Variants in ZNF668 observed in about 807,000 individuals in gnomAD.
ZNF668 encodes the protein zinc finger protein 668.
In ZNF668, 10 loss-of-function variants were observed where a neutral mutation model predicts 40.3. That is an observed-to-expected ratio of 0.25 (90% CI 0.15 to 0.42). ZNF668 has a LOEUF of 0.42. ZNF668 is among the 10% of genes least tolerant of loss of function. The pLI is 1.00. For synonymous variants in ZNF668, 428 were observed against 384.6 expected (o/e 1.11, Z -1.32); for missense variants, 749 against 904.6 (o/e 0.83, Z 2.21).
intron 1 of ZNF668, chr16:31,069,268 T>TACATACAC (rs1555498643): frequency 7.1e-6 from 1 of 141,690 alleles, no homozygotes; most frequent in East Asian, 2.1e-4. Context: ...CTACTAAAAA[T>TACATACAC]ACACACACAC....
intron 1 of ZNF668, among the ~76,000 whole-genome samples, chr16:31,070,799 C>T (rs979801233): frequency 2.0e-5 from 3 of 152,102 alleles, no homozygotes; most frequent in African/African-American, 7.2e-5. Flanking sequence ...CCTCGGCTTC[C>T]CAGAGTGCTG....
chr16:31,064,631 T>G, intron 1 of ZNF668, 150 bp from the exon 2 acceptor site: 1 of 1,536,804 alleles, frequency 6.5e-7, no homozygotes, highest in Non-Finnish European at 8.7e-7. Flanking sequence ...TGCGTTCGTT[T>G]CCTCCCTGAT....
At chr16:31,066,723 A>C (rs1008650328) in intron 1 of ZNF668, among the ~76,000 whole-genome samples, 2 of 151,550 alleles carry the variant, frequency 1.3e-5, no homozygotes, top group African/African-American at 4.8e-5. Flanking sequence ...ATCAATCAAT[A>C]ATCAATCCTG....
At position 31,064,233 on chromosome 16, in the gene ZNF668, C is replaced by T. The variant is rs1596753524; in HGVS notation, c.227G>A (p.Gly76Asp). The T allele has an allele frequency of 1.2e-6, 2 of 1,613,312 alleles. No individual in the cohort carries two copies. Among genetic ancestry groups the T allele is most frequent in the South Asian group, 1.1e-5 (1 of 91,096 alleles). ...ATAGGGCCTAGGCTTGGCCGCGGAG[C>T]CTGACACCTTCTCCCCACTGGCTTC... Reference protein sequence around the residue: ...AEEASGEKVSGSAAKPRPYAC... With the variant: ...AEEASGEKVSDSAAKPRPYAC... Residue 76 changes from glycine to aspartate, a missense_variant, in exon 2 of 3, where the codon GGC (glycine) becomes GAC (aspartate). This residue lies in a region of ZNF668 where 159 missense variants were observed against 139.8 expected (regional missense o/e 1.14). Coordinates refer to ENST00000300849, the MANE Select transcript of ZNF668 (RefSeq NM_024706.5).
intron 1 of ZNF668, among the ~76,000 whole-genome samples, chr16:31,068,239 A>AAAATATAT (rs1473353128): frequency 2.4e-5 from 2 of 82,994 alleles, no homozygotes; most frequent in East Asian, 3.6e-4. Context: ...AAAAAAAAAA[A>AAAATATAT]ATATATATAT....
rs192678562 is a variant in ZNF668, at chr16:31,064,819, A to G, written c.-22-338T>C. The G allele has an allele frequency of 1.1e-5, 16 of 1,457,612 alleles. No homozygotes were observed. The African/African-American group carries it at 2.0e-4, about 18-fold the overall frequency. 90.3% of individuals were successfully genotyped at this position (1,457,612 alleles called of 1,614,324 possible). On this transcript the variant is annotated intron_variant, in intron 1 of 2. Transcript: ENST00000300849. ...TCTCACCATCTTCCTTCTTCAGCTCAGTGTCCAAGAACTATGCCAGGATAA... is the reference window on the plus strand; with the variant it reads ...TCTCACCATCTTCCTTCTTCAGCTCGGTGTCCAAGAACTATGCCAGGATAA...
At chr16:31,070,224 T>A (rs2057006666) in intron 1 of ZNF668, among the ~76,000 whole-genome samples, 1 of 147,450 alleles carries the variant, frequency 6.8e-6, no homozygotes, top group South Asian at 2.2e-4. Context: ...GGCCCTTTTT[T>A]TGAGACGGAG....
chr16:31,061,052 T>TG lies in ZNF668; in HGVS notation c.*15dup, dbSNP rs771758350. 4.7e-6 allele frequency: 7 copies of TG among 1,482,036 alleles called. No individual in the cohort carries two copies. The highest frequency in any genetic ancestry group is 4.3e-5 in the African/African-American group (3 of 70,234). 91.8% of individuals were successfully genotyped at this position (1,482,036 alleles called of 1,614,324 possible). On this transcript the variant is annotated 3_prime_UTR_variant, in exon 3 of 3. Coordinates refer to ENST00000300849, the MANE Select transcript of ZNF668 (RefSeq NM_024706.5). The surrounding 1 kb of genome is among the most constrained non-coding windows in gnomAD (Gnocchi z 7.7). ...GGGCTGGGCTCCCGGAGTGTGGTGC[T>TG]GGGGGGTCATGGGCTTCAGGCCGGC...
At chr16:31,073,181 G>C (rs967428601) in intron 1 of ZNF668, 14 of 152,434 alleles carry the variant, frequency 9.2e-5, no homozygotes, top group Admixed American at 3.9e-4. Flanking sequence ...TTCGGAGGAC[G>C]TGGCAAGGAG....
chr16:31,070,395 A>G (rs2057008413), intron 1 of ZNF668, among the ~76,000 whole-genome samples: 1 of 149,994 alleles, frequency 6.7e-6, no homozygotes, highest in African/African-American at 2.5e-5. Context: ...TTTAGTAGAG[A>G]GAGGATTTCA....
chr16:31,065,931 G>A (rs1304357783), intron 1 of ZNF668: 41 of 707,554 alleles, frequency 5.8e-5, no homozygotes, highest in South Asian at 1.9e-4. Flanking sequence ...TGACACTGGG[G>A]TTCAGGAGGA....
chr16:31,072,921 A>C (rs936201863), intron 1 of ZNF668: 1 of 152,324 alleles, frequency 6.6e-6, no homozygotes, highest in Non-Finnish European at 1.5e-5. Flanking sequence ...TGCCCTCAGG[A>C]ATACTTTATG....
In ZNF668 at chr16:31,064,427, T is replaced by G; in HGVS notation, c.33A>C (p.Pro11=). The G allele has an allele frequency of 6.2e-7, 1 of 1,612,370 alleles. No individual in the cohort carries two copies. ...GGCCCGAGCGCTTGTAGCCGGGGGC[T>G]GGGGACCGGGCCTCTGCAGCCTCCA... MEVEAAEARS[P]APGYKRSGRR... is the part of the protein sequence containing the mutation. Residue 11 remains proline, a synonymous_variant, in exon 2 of 3, where the codon CCA becomes CCC. Transcript: ENST00000300849.
Position 31,065,343 on chromosome 16 carries a change from T to C in ZNF668, c.-22-862A>G, listed in dbSNP as rs368713779. Among the ~76,000 whole-genome samples, 28 of 152,282 alleles carry C rather than the reference T, an allele frequency of 1.8e-4. No individual in the cohort carries two copies. In the East Asian group the frequency reaches 4.4e-3, roughly 24 times the overall value. ...GGAGGAAACAGGATTAATGGCTGTA[T>C]TAGTCTTAACACCAGCTCATCCTCC... On this transcript the variant is annotated intron_variant, in intron 1 of 2. Coordinates refer to ENST00000300849, the MANE Select transcript of ZNF668 (RefSeq NM_024706.5).
Position 31,061,182 on chromosome 16 carries a change from CAAG to C in ZNF668, c.1743_1745del (p.Phe581del). 6.6e-7 allele frequency: 1 copy of C among 1,518,690 alleles called. No individual in the cohort carries two copies. Among genetic ancestry groups the C allele is most frequent in the Non-Finnish European group, 8.8e-7 (1 of 1,134,688 alleles). The allele number at this position is 1,518,690 out of a possible 1,614,324, so 94.1% of individuals were successfully genotyped here. A position where few individuals can be genotyped will look rare whatever the true frequency, so the allele number is the denominator to read the frequency against. On this transcript the variant is annotated inframe_deletion, in exon 3 of 3. Transcript: ENST00000300849. This position sits in a 1 kb window ranked among gnomAD's most constrained non-coding sequence, Gnocchi z 7.7. Reference sequence around the variant, plus strand: ...CATGCTTGCGCAAGTCGCTGGCACTCAAGAAGGCCTTGGGACAATGGGGGCAGG... The same window carrying C: ...CATGCTTGCGCAAGTCGCTGGCACTCAAGGCCTTGGGACAATGGGGGCAGG...
At position 31,061,577 on chromosome 16, in the gene ZNF668, C is replaced by G. The variant is rs1404987733; in HGVS notation, c.1351G>C (p.Gly451Arg). The change falls in exon 3 of 3, where the codon GGG (glycine) becomes CGG (arginine). Residue 451 changes from glycine to arginine, a missense_variant. Coordinates refer to ENST00000300849, the MANE Select transcript of ZNF668 (RefSeq NM_024706.5). The surrounding 1 kb of genome is among the most constrained non-coding windows in gnomAD (Gnocchi z 7.7). ...ESSAAPAAGA[G>R]LGDPPAGLLG... The stretch of plus-strand genomic sequence containing the variant: ...AGCCCTGCTGGAGGGTCCCCCAGCC[C>G]CGCCCCTGCTGCCGGGGCGGCTGAA... The G allele has an allele frequency of 6.2e-7, 1 of 1,609,096 alleles. No individual in the cohort carries two copies. The highest frequency in any genetic ancestry group is 8.5e-7 in the Non-Finnish European group (1 of 1,179,734).
Position 31,063,175 on chromosome 16 carries a change from CA to C in ZNF668, c.647+637del, listed in dbSNP as rs1178957829. 3.3e-5 allele frequency among the ~76,000 whole-genome samples: 5 copies of C among 152,194 alleles called. No homozygotes were observed. In the South Asian group the frequency reaches 1.0e-3, roughly 31 times the overall value. ...CCTCCGCCTTTTTTTTCCTGTTCCC[CA>C]GGCTGGAATGCAGTGGCCTGACCAT... On this transcript the variant is annotated intron_variant, in intron 2 of 2. Transcript: ENST00000300849.
rs748465620 is a variant in ZNF668 at position 31,064,218 on chromosome 16, G to A, written c.242C>T (p.Pro81Leu). 29 of 1,613,034 alleles carry A rather than the reference G, an allele frequency of 1.8e-5. No homozygotes were observed. Among genetic ancestry groups the A allele is most frequent in the Non-Finnish European group, 2.5e-5 (29 of 1,180,008 alleles). Reference sequence around the variant, plus strand: ...GCATAGCGGACACGCATAGGGCCTAGGCTTGGCCGCGGAGCCTGACACCTT... The same window carrying A: ...GCATAGCGGACACGCATAGGGCCTAAGCTTGGCCGCGGAGCCTGACACCTT... ...GEKVSGSAAK[P>L]RPYACPLCPK... is the part of the protein sequence containing the mutation. Residue 81 changes from proline to leucine, a missense_variant, in exon 2 of 3, where the codon CCT (proline) becomes CTT (leucine). Around this residue, in one of 4 missense-constraint regions of ZNF668, gnomAD observed 159 missense variants for 139.8 expected, o/e 1.14. Coordinates refer to ENST00000300849, the MANE Select transcript of ZNF668 (RefSeq NM_024706.5).
chr16:31,069,305 A>ACACACACC (rs1021339773), intron 1 of ZNF668: 3 of 136,244 alleles, frequency 2.2e-5, no homozygotes, highest in African/African-American at 5.3e-5. Flanking sequence ...ACACACACAC[A>ACACACACC]CCTGCCTACC....
Sources: gnomAD v4.1 joint callset for allele counts (sites outside exome capture counted in the v4.1 genomes callset) on GRCh38, gnomAD v4.1.1 for gene constraint, gnomAD v4.1.1 regional missense constraint, Gnocchi (gnomAD v3.1) non-coding constraint, MANE v1.5 for transcripts, NCBI Gene and HGNC (gene_info 2026-07-23, HGNC 2026-07-21) for gene names.